The following PRORP variants were observed in gnomAD, a reference collection of about 807,000 sequenced individuals.
PRORP encodes mitochondrial ribonuclease P catalytic subunit.
A neutral mutation model predicts 59.4 loss-of-function variants in PRORP; 51 were observed. The ratio of observed to expected loss-of-function variants is 0.86; its 90% CI spans 0.69 to 1.08. The LOEUF (loss-of-function observed/expected upper bound fraction) is 1.08. Among genes scored for constraint, PRORP ranks in the 50% least tolerant of loss-of-function variants. PRORP has a pLI of 0.00. For missense variants in PRORP, 646 were observed against 690.3 expected (o/e 0.94, Z 0.72); for synonymous variants, 231 against 245.6 (o/e 0.94, Z 0.55).
At chr14:35,159,565 A>T (rs2048007746) in intron 4 of PRORP, among the ~76,000 whole-genome samples, 1 of 152,040 alleles carries the variant, frequency 6.6e-6, no homozygotes, top group Non-Finnish European at 1.5e-5. Flanking sequence ...CAGATTAGAA[A>T]CTCTGAGGGA....
chr14:35,212,911 GT>G (rs2049486231), intron 5 of PRORP, among the ~76,000 whole-genome samples: 1 of 152,218 alleles, frequency 6.6e-6, no homozygotes, highest in African/African-American at 2.4e-5. Flanking sequence ...CCAATCTGTT[GT>G]TTAGTATAGC....
chr14:35,221,656 G>A (rs2049787334), intron 5 of PRORP, among the ~76,000 whole-genome samples: 1 of 152,166 alleles, frequency 6.6e-6, no homozygotes, highest in Non-Finnish European at 1.5e-5. Context: ...TGACTCTGGA[G>A]CATAAATGTG....
chr14:35,271,774 C>G (rs978721400), intron 7 of PRORP, among the ~76,000 whole-genome samples: 3 of 152,138 alleles, frequency 2.0e-5, no homozygotes, highest in African/African-American at 7.2e-5. Flanking sequence ...CCTGTAATCT[C>G]AACACTTTGG....
intron 5 of PRORP, among the ~76,000 whole-genome samples, chr14:35,216,414 A>G (rs140426646): frequency 7.9e-5 from 12 of 151,598 alleles, no homozygotes; most frequent in South Asian, 6.2e-4. Flanking sequence ...GGCTCAAGCA[A>G]TCCTCCCGCC....
At chr14:35,265,088 C>G (rs1223774390) in intron 5 of PRORP, among the ~76,000 whole-genome samples, 1 of 152,060 alleles carries the variant, frequency 6.6e-6, no homozygotes, top group Admixed American at 6.6e-5. Flanking sequence ...ATAACAGGTA[C>G]GAATGTAATA....
intron 4 of PRORP, among the ~76,000 whole-genome samples, chr14:35,152,992 G>A (rs879039706): frequency 1.3e-5 from 2 of 152,144 alleles, no homozygotes; most frequent in South Asian, 2.1e-4. Flanking sequence ...ACGGGGTGGC[G>A]GCCGGGCAGA....
At chr14:35,247,085 G>A (rs1450202761) in intron 5 of PRORP, among the ~76,000 whole-genome samples, 1 of 152,090 alleles carries the variant, frequency 6.6e-6, no homozygotes, top group Non-Finnish European at 1.5e-5. Context: ...CTTCCCCAAG[G>A]TCACACAGTT....
At chr14:35,221,575 G>A (rs912770210) in intron 5 of PRORP, among the ~76,000 whole-genome samples, 1 of 152,080 alleles carries the variant, frequency 6.6e-6, no homozygotes, top group Non-Finnish European at 1.5e-5. Flanking sequence ...ACCTCACCCT[G>A]GCTCCAGCCC....
intron 5 of PRORP, among the ~76,000 whole-genome samples, chr14:35,190,065 G>A (rs1022291765): frequency 3.3e-5 from 5 of 149,550 alleles, no homozygotes; most frequent in Non-Finnish European, 5.9e-5. Flanking sequence ...CTGAGATTGC[G>A]CCACTGCACT....
chr14:35,166,237 T>C (rs1384507489), intron 4 of PRORP, among the ~76,000 whole-genome samples: 3 of 152,128 alleles, frequency 2.0e-5, no homozygotes, highest in African/African-American at 7.2e-5. Flanking sequence ...GTTCTAATCT[T>C]TACTGCTTTC....
intron 4 of PRORP, among the ~76,000 whole-genome samples, chr14:35,137,844 AG>A (rs2047406560): frequency 6.9e-6 from 1 of 145,274 alleles, no homozygotes; most frequent in African/African-American, 2.4e-5. Flanking sequence ...TAGGAAAGGG[AG>A]GAAGGCCAAA....
chr14:35,214,779 C>T (rs1167088729), intron 5 of PRORP, among the ~76,000 whole-genome samples: 2 of 152,112 alleles, frequency 1.3e-5, no homozygotes, highest in Non-Finnish European at 2.9e-5. Context: ...TGGTGGTGCA[C>T]ACCTGTAATC....
intron 4 of PRORP, among the ~76,000 whole-genome samples, chr14:35,160,551 A>T (rs2048031846): frequency 6.6e-6 from 1 of 152,188 alleles, no homozygotes; most frequent in African/African-American, 2.4e-5. Context: ...AATAGAATTG[A>T]GTATAGATGG....
At position 35,242,940 on chromosome 14, in the gene PRORP, T is replaced by A. The variant is rs977313686; in HGVS notation, c.1276-23787T>A. Among the ~76,000 whole-genome samples, 70 of 152,180 alleles carry A rather than the reference T, an allele frequency of 4.6e-4. 6 individuals are homozygous for A. Among genetic ancestry groups the A allele is most frequent in the Admixed American group, 4.6e-3 (70 of 15,284 alleles). On this transcript the variant is annotated intron_variant, in intron 5 of 7. Coordinates refer to ENST00000534898, the MANE Select transcript of PRORP (RefSeq NM_014672.4). ...AGTGTTATTTCTTTTATCTTAAAATTTAGTGCAGATCTTGCATTCAAAGAC... is the reference window on the plus strand; with the variant it reads ...AGTGTTATTTCTTTTATCTTAAAATATAGTGCAGATCTTGCATTCAAAGAC...
At chr14:35,196,905 T>A (rs1188093540) in intron 5 of PRORP, among the ~76,000 whole-genome samples, 2 of 152,216 alleles carry the variant, frequency 1.3e-5, no homozygotes, top group Non-Finnish European at 2.9e-5. Context: ...GGTGGGTTTT[T>A]AGTGAAGTGA....
chr14:35,268,420 G>A (rs1159668200), intron 6 of PRORP, among the ~76,000 whole-genome samples: 1 of 151,376 alleles, frequency 6.6e-6, no homozygotes, highest in East Asian at 1.9e-4. Flanking sequence ...ATTAGGAGGA[G>A]TACAGATCCG....
rs182787713 is a variant in PRORP at position 35,196,166 on chromosome 14, A to G, written c.1275+15389A>G. ...GCTGTGAATCTTAAAACAACTAATC[A>G]GTTAGCAGCATTTAAGTGCTATTTC... On this transcript the variant is annotated intron_variant, in intron 5 of 7. Transcript: ENST00000534898. Among the ~76,000 whole-genome samples, 280 of 152,306 alleles carry G rather than the reference A, an allele frequency of 1.8e-3. 1 individual carries two copies. Among genetic ancestry groups the G allele is most frequent in the African/African-American group, 6.4e-3 (268 of 41,564 alleles).
intron 4 of PRORP, among the ~76,000 whole-genome samples, chr14:35,154,677 G>A (rs1452568765): frequency 7.0e-6 from 1 of 143,774 alleles, no homozygotes; most frequent in African/African-American, 2.6e-5. Context: ...AGACAACCCA[G>A]TTTCTTCCAA....
intron 5 of PRORP, among the ~76,000 whole-genome samples, chr14:35,196,245 T>A (rs1425539920): frequency 6.6e-6 from 1 of 152,162 alleles, no homozygotes; most frequent in African/African-American, 2.4e-5. Context: ...GAGGCCGAGG[T>A]GGGAGGACCA....
Sources: allele counts gnomAD v4.1 joint callset (sites outside exome capture counted in the v4.1 genomes callset), GRCh38; gene constraint gnomAD v4.1.1; transcripts MANE v1.5; gene names NCBI Gene and HGNC (gene_info 2026-07-23, HGNC 2026-07-21).